Variants in MND1 observed in about 807,000 individuals in gnomAD.
MND1 encodes the protein meiotic nuclear division protein 1 homolog.
Under a neutral mutation model 35.1 loss-of-function variants are expected in MND1, and 28 were observed. That is an observed-to-expected ratio of 0.80 (90% confidence interval 0.59 to 1.09). The LOEUF (loss-of-function observed/expected upper bound fraction) is 1.09, where lower values mean the gene tolerates loss of function less well. Among genes scored for constraint, MND1 ranks in the 50% least tolerant of loss-of-function variants. The probability of loss-of-function intolerance (pLI) is 0.00; values close to 1 mark genes in which losing one functional copy is unlikely to be tolerated. For synonymous variants in MND1, 69 were observed against 70.5 expected (o/e 0.98, Z 0.11); for missense variants, 213 against 239.6 (o/e 0.89, Z 0.73).
At chr4:153,414,535 G>A (rs1363909363) in intron 7 of MND1, among the ~76,000 whole-genome samples, 1 of 151,876 alleles carries the variant, frequency 6.6e-6, no homozygotes, top group Non-Finnish European at 1.5e-5. Flanking sequence ...ACCCTGCCTC[G>A]GCCTCCCAAA....
intron 4 of MND1, among the ~76,000 whole-genome samples, chr4:153,364,519 A>G (rs887353809): frequency 2.9e-5 from 2 of 70,134 alleles, no homozygotes; most frequent in African/African-American, 1.5e-4. Context: ...CCTGTTTAAG[A>G]AAAAAAAAAA....
intron 4 of MND1, among the ~76,000 whole-genome samples, chr4:153,391,276 G>A (rs1020304145): frequency 1.3e-5 from 2 of 151,972 alleles, no homozygotes; most frequent in African/African-American, 4.8e-5. Flanking sequence ...CGATTCTTGT[G>A]CCTCAGCCTC....
chr4:153,355,749 A>G (rs1434964316), intron 3 of MND1, 38 bp downstream of exon 3: 5 of 1,245,618 alleles, frequency 4.0e-6, no homozygotes, highest in Non-Finnish European at 5.8e-6. Flanking sequence ...TTTGGGAAAT[A>G]TACTGGGATG....
At chr4:153,373,606 G>A (rs912615686) in intron 4 of MND1, among the ~76,000 whole-genome samples, 27 of 152,038 alleles carry the variant, frequency 1.8e-4, no homozygotes, top group African/African-American at 6.5e-4. Flanking sequence ...AGTGTATTTT[G>A]TGACATGGCC....
chr4:153,373,111 G>A lies in MND1; in HGVS notation c.276+14489G>A, dbSNP rs2149641606. 1.3e-5 allele frequency among the ~76,000 whole-genome samples: 2 copies of A among 150,982 alleles called. 1 individual carries two copies. Among genetic ancestry groups the A allele is most frequent in the South Asian group, 4.2e-4 (2 of 4,780 alleles). The stretch of plus-strand genomic sequence containing the variant: ...ATTTAGAGTAAGCTTCTTACATATA[G>A]TTGGGACTTGCTTTTTTTGTATAAT... On this transcript the variant is annotated intron_variant, in intron 4 of 7. Coordinates refer to ENST00000240488, the MANE Select transcript of MND1 (RefSeq NM_032117.4).
At chr4:153,406,311 C>T (rs1729508258) in intron 6 of MND1, among the ~76,000 whole-genome samples, 1 of 152,070 alleles carries the variant, frequency 6.6e-6, no homozygotes, top group African/African-American at 2.4e-5. Context: ...CATGTGAAGC[C>T]AGGAGTTTGA....
At chr4:153,349,934 G>T in intron 1 of MND1, 130 bp from the exon 2 acceptor site, 2 of 601,494 alleles carry the variant, frequency 3.3e-6, no homozygotes, top group South Asian at 2.4e-5. Context: ...GAGTCTTTAG[G>T]TCTGACTTTG....
intron 4 of MND1, among the ~76,000 whole-genome samples, chr4:153,374,474 T>C (rs1728440673): frequency 6.6e-6 from 1 of 152,170 alleles, no homozygotes; most frequent in South Asian, 2.1e-4. Context: ...ATGGTGGGAT[T>C]CACATAAAGA....
At chr4:153,381,559 ATTGT>A (rs1561068295) in intron 4 of MND1, among the ~76,000 whole-genome samples, 1 of 144,304 alleles carries the variant, frequency 6.9e-6, no homozygotes, top group South Asian at 2.2e-4. Context: ...TTAATTTCAA[ATTGT>A]TTGGGCTGTT....
intron 6 of MND1, among the ~76,000 whole-genome samples, chr4:153,397,751 T>C (rs532468815): frequency 6.6e-6 from 1 of 152,042 alleles, no homozygotes; most frequent in African/African-American, 2.4e-5. Context: ...GCCCAGGAGG[T>C]TGAAGCTGCA....
intron 2 of MND1, among the ~76,000 whole-genome samples, chr4:153,355,023 G>T (rs573524167): frequency 2.6e-5 from 4 of 152,024 alleles, no homozygotes; most frequent in African/African-American, 9.7e-5. Context: ...AATTAGCCAG[G>T]CATGGTGGTG....
At chr4:153,369,015 T>TTGGC in intron 4 of MND1, among the ~76,000 whole-genome samples, 1 of 152,354 alleles carries the variant, frequency 6.6e-6, no homozygotes, top group Non-Finnish European at 1.5e-5. Flanking sequence ...TGAGGTATAG[T>TTGGC]CAAACTGTTG....
chr4:153,410,574 T>C (rs924270171), intron 7 of MND1, among the ~76,000 whole-genome samples: 1 of 152,228 alleles, frequency 6.6e-6, no homozygotes, highest in African/African-American at 2.4e-5. Context: ...AAAATCAATA[T>C]AATTGGCCTT....
intron 4 of MND1, among the ~76,000 whole-genome samples, chr4:153,361,048 A>C (rs1305304745): frequency 6.6e-6 from 1 of 152,176 alleles, no homozygotes; most frequent in African/African-American, 2.4e-5. Flanking sequence ...CATGTTGCCC[A>C]GGCTGGTCTT....
intron 2 of MND1, among the ~76,000 whole-genome samples, chr4:153,351,463 C>T (rs1773216163): frequency 6.6e-6 from 1 of 151,954 alleles, no homozygotes. Context: ...TTTAGTCTAT[C>T]AGTTTTTTGA....
At chr4:153,347,547 G>A (rs969611140) in intron 1 of MND1, among the ~76,000 whole-genome samples, 11 of 152,208 alleles carry the variant, frequency 7.2e-5, no homozygotes, top group African/African-American at 2.7e-4. Context: ...GCCCTGGAAA[G>A]GCAAAGGCAG....
At chr4:153,360,259 AG>A (rs1773449024) in intron 4 of MND1, among the ~76,000 whole-genome samples, 2 of 152,192 alleles carry the variant, frequency 1.3e-5, no homozygotes, top group Admixed American at 1.3e-4. Context: ...ATTTCCTCTG[AG>A]TCTGTGACTT....
intron 4 of MND1, chr4:153,381,714 T>TG (rs1728712223): frequency 1.2e-5 from 1 of 86,464 alleles, no homozygotes; most frequent in African/African-American, 5.3e-5. Context: ...TTTTTTTTTT[T>TG]TTTTTTTTTA....
intron 4 of MND1, chr4:153,361,492 C>G (rs1238825736): frequency 2.2e-6 from 1 of 455,536 alleles, no homozygotes; most frequent in Admixed American, 2.4e-5. Context: ...TTTTTATTTC[C>G]TCTTCTTTAG....
Sources: gnomAD v4.1 joint callset for allele counts (sites outside exome capture counted in the v4.1 genomes callset) on GRCh38, gnomAD v4.1.1 for gene constraint, MANE v1.5 for transcripts, NCBI Gene and HGNC (gene_info 2026-07-23, HGNC 2026-07-21) for gene names.